PLXNA2: variants seen among roughly 807,000 people sequenced by gnomAD.
PLXNA2 encodes plexin A2.
A neutral mutation model predicts 193.5 loss-of-function variants in PLXNA2; 91 were observed. The observed-to-expected ratio is 0.47, with a 90% CI of 0.40 to 0.56. The LOEUF is 0.56. Ranked by LOEUF, PLXNA2 falls within the 20% of genes least tolerant of loss-of-function variation. The probability of loss-of-function intolerance (pLI) is 0.00; values close to 1 mark genes in which losing one functional copy is unlikely to be tolerated. For synonymous variants in PLXNA2, 997 were observed against 1,027.3 expected (o/e 0.97, Z 0.56); for missense variants, 1,995 against 2,503.2 (o/e 0.80, Z 4.33).
chr1:208,171,862 G>C (rs556063663), intron 3 of PLXNA2, among the ~76,000 whole-genome samples: 1 of 151,580 alleles, frequency 6.6e-6, no homozygotes, highest in South Asian at 2.1e-4. Flanking sequence ...TAAAAAGGAA[G>C]TTTTTTTTAA....
chr1:208,219,768 A>T (rs186620960), intron 1 of PLXNA2, among the ~76,000 whole-genome samples: 169 of 152,238 alleles, frequency 1.1e-3, no homozygotes, highest in African/African-American at 3.4e-3. Context: ...GTTCGGGGTG[A>T]CTCATGAGGC....
chr1:208,135,957 C>T (rs1668289084), intron 4 of PLXNA2, among the ~76,000 whole-genome samples: 1 of 152,126 alleles, frequency 6.6e-6, no homozygotes, highest in African/African-American at 2.4e-5. Context: ...AGGGAGTACT[C>T]ACTCTTGGAG....
At chr1:208,145,911 C>A (rs1011677285) in intron 3 of PLXNA2, among the ~76,000 whole-genome samples, 1 of 152,132 alleles carries the variant, frequency 6.6e-6, no homozygotes, top group African/African-American at 2.4e-5. Flanking sequence ...TTCATTCAGT[C>A]TAAATCCCGG....
At chr1:208,168,440 A>C (rs1324126495) in intron 3 of PLXNA2, among the ~76,000 whole-genome samples, 1 of 152,202 alleles carries the variant, frequency 6.6e-6, no homozygotes, top group Non-Finnish European at 1.5e-5. Flanking sequence ...TGACCAACAC[A>C]TAGGAGGTGC....
chr1:208,165,647 C>T (rs1669278399), intron 3 of PLXNA2, among the ~76,000 whole-genome samples: 2 of 152,286 alleles, frequency 1.3e-5, no homozygotes, highest in South Asian at 4.1e-4. Context: ...CCCAGCTACC[C>T]CTATGTGGTC....
chr1:208,210,583 G>C (rs1027934172), intron 2 of PLXNA2, 121 bp from the exon 3 acceptor site: 15 of 779,954 alleles, frequency 1.9e-5, no homozygotes, highest in Non-Finnish European at 3.0e-5. Context: ...AGACATGGGA[G>C]TTCAGGGGCC....
intron 26 of PLXNA2, among the ~76,000 whole-genome samples, chr1:208,037,977 TGTTA>T (rs1290493886): frequency 6.6e-6 from 1 of 152,218 alleles, no homozygotes. Flanking sequence ...GTGTGGGCTG[TGTTA>T]GTAAGATGCT....
chr1:208,060,751 G>C lies in PLXNA2; in HGVS notation c.2673C>G (p.Ala891=). The C allele has an allele frequency of 6.2e-7, 1 of 1,614,072 alleles. No homozygotes were observed. Among genetic ancestry groups the C allele is most frequent in the East Asian group, 2.2e-5 (1 of 44,852 alleles). ...GCACCCCAGCCACCTGCACATGGTG[G>C]GCGATCTCGGAGAAGTCCAGACCCA... ...VNLGLDFSEI[A]HHVQVAGVPC... is the part of the protein sequence containing the mutation. The change falls in exon 13 of 32, where the codon GCC becomes GCG. Residue 891 remains alanine, a synonymous_variant. Transcript: ENST00000367033.
intron 4 of PLXNA2, among the ~76,000 whole-genome samples, chr1:208,135,779 G>A (rs957525329): frequency 6.6e-6 from 1 of 152,144 alleles, no homozygotes; most frequent in African/African-American, 2.4e-5. Context: ...GATGCTCTGT[G>A]ATTCCATGAC....
chr1:208,183,242 T>C (rs1669899838), intron 3 of PLXNA2, among the ~76,000 whole-genome samples: 1 of 152,180 alleles, frequency 6.6e-6, no homozygotes, highest in Non-Finnish European at 1.5e-5. Flanking sequence ...TGATGGCTTA[T>C]AAACCAGACA....
At chr1:208,064,597 G>T (rs951080755) in intron 12 of PLXNA2, among the ~76,000 whole-genome samples, 2 of 152,214 alleles carry the variant, frequency 1.3e-5, no homozygotes, top group African/African-American at 4.8e-5. Flanking sequence ...TGTGCAGAGT[G>T]CAAAGGAACA....
intron 3 of PLXNA2, among the ~76,000 whole-genome samples, chr1:208,144,491 C>T (rs1441185758): frequency 2.0e-5 from 3 of 152,082 alleles, no homozygotes; most frequent in African/African-American, 4.8e-5. Context: ...AGCTCTGGCC[C>T]GGGGGTCCCC....
rs117846929 is a variant in PLXNA2 at position 208,215,666 on chromosome 1, G to A, written c.1188+1069C>T. 2.5e-4 allele frequency among the ~76,000 whole-genome samples: 38 copies of A among 152,102 alleles called. No individual in the cohort carries two copies. The East Asian group carries it at 6.6e-3, about 26-fold the overall frequency. ...GGATGGATGGATGGAGAGATGCATG[G>A]AGGGAGAGAGCTAAGGAGGATGGAG... is the stretch of plus-strand genomic sequence containing the variant. On this transcript the variant is annotated intron_variant, in intron 2 of 31. Transcript: ENST00000367033.
At position 208,082,607 on chromosome 1, in the gene PLXNA2, G is replaced by T. The variant is rs138434385; in HGVS notation, c.2299-99C>A. 2 of 835,168 alleles carry T rather than the reference G, an allele frequency of 2.4e-6. No individual in the cohort carries two copies. Among genetic ancestry groups the T allele is most frequent in the Admixed American group, 2.0e-5 (1 of 50,214 alleles). 51.7% of individuals were successfully genotyped at this position (835,168 alleles called of 1,614,324 possible). A position where few individuals can be genotyped will look rare whatever the true frequency, so the allele number is the denominator to read the frequency against. ...TGCATGCTGCTCAGATTATTATGAC[G>T]CTCTTTCCCTGAATCCCAGTCACTA... On this transcript the variant is annotated intron_variant, in intron 10 of 31. Transcript: ENST00000367033. The surrounding 1 kb of genome is among the most constrained non-coding windows in gnomAD (Gnocchi z 4.2).
At chr1:208,170,283 T>C (rs1669449265) in intron 3 of PLXNA2, among the ~76,000 whole-genome samples, 2 of 152,254 alleles carry the variant, frequency 1.3e-5, no homozygotes, top group South Asian at 4.1e-4. Context: ...TATCTTCCTC[T>C]TAGCCCAAAG....
intron 4 of PLXNA2, among the ~76,000 whole-genome samples, chr1:208,139,949 C>G (rs1043398727): frequency 2.0e-5 from 3 of 152,188 alleles, no homozygotes; most frequent in African/African-American, 4.8e-5. Context: ...CCACAAATCC[C>G]CCTCAGACTT....
intron 3 of PLXNA2, among the ~76,000 whole-genome samples, chr1:208,199,135 T>G (rs1670456194): frequency 6.6e-6 from 1 of 152,164 alleles, no homozygotes; most frequent in Non-Finnish European, 1.5e-5. Context: ...GTTCTTCTGA[T>G]TTGTCAGAAC....
chr1:208,113,755 C>T (rs1260018039), intron 4 of PLXNA2, among the ~76,000 whole-genome samples: 1 of 152,038 alleles, frequency 6.6e-6, no homozygotes, highest in Admixed American at 6.6e-5. Context: ...GGGGTCTTGC[C>T]ATGTGGCTCA....
At chr1:208,153,691 C>A (rs1668843824) in intron 3 of PLXNA2, among the ~76,000 whole-genome samples, 1 of 152,144 alleles carries the variant, frequency 6.6e-6, no homozygotes, top group African/African-American at 2.4e-5. Flanking sequence ...AAGATGAGGT[C>A]AGAGTTGGGG....
Sources: gnomAD v4.1 joint callset for allele counts (sites outside exome capture counted in the v4.1 genomes callset) on GRCh38, gnomAD v4.1.1 for gene constraint, Gnocchi (gnomAD v3.1) non-coding constraint, MANE v1.5 for transcripts, NCBI Gene and HGNC (gene_info 2026-07-23, HGNC 2026-07-21) for gene names.